Variants in MACF1 observed in about 807,000 individuals in gnomAD.
MACF1 encodes microtubule actin crosslinking factor 1.
MACF1 carries 193 observed loss-of-function variants against 854.8 expected under a neutral mutation model. The ratio of observed to expected loss-of-function variants is 0.23; its 90% CI spans 0.20 to 0.25. MACF1 has a LOEUF of 0.25. Ranked by LOEUF, MACF1 falls within the 10% of genes least tolerant of loss-of-function variation. The probability of loss-of-function intolerance (pLI) is 1.00; values close to 1 mark genes in which losing one functional copy is unlikely to be tolerated. For synonymous variants in MACF1, 3,185 were observed against 3,226.7 expected, an observed-to-expected ratio of 0.99 and a Z score of 0.44; for missense variants, 7,722 against 8,929.1, an observed-to-expected ratio of 0.86 and a Z score of 5.45.
intron 30 of MACF1, among the ~76,000 whole-genome samples, chr1:39,319,168 CAT>C (rs1468229765): frequency 6.6e-6 from 1 of 152,070 alleles, no homozygotes; most frequent in African/African-American, 2.4e-5. Flanking sequence ...GTAAAATGGA[CAT>C]AGTTTGTTAT....
At chr1:39,213,475 G>T (rs915389502) in intron 1 of MACF1, among the ~76,000 whole-genome samples, 3 of 152,194 alleles carry the variant, frequency 2.0e-5, no homozygotes, top group Non-Finnish European at 2.9e-5. Flanking sequence ...GGGATTACAG[G>T]CATGTGCCAC....
Position 39,459,943 on chromosome 1 carries a change from C to G in MACF1, c.21361-689C>G, listed in dbSNP as rs945325017. 1.2e-5 allele frequency: 9 copies of G among 776,056 alleles called. No homozygotes were observed. The Admixed American group carries it at 2.5e-4, about 22-fold the overall frequency. 48.1% of individuals were successfully genotyped at this position (776,056 alleles called of 1,614,324 possible). A position where few individuals can be genotyped will look rare whatever the true frequency, so the allele number is the denominator to read the frequency against. ...CCTTCTAACTTTGGAGTTTGAAAGACCAAGGGGAAACTGCTGCACTCTTTA... is the reference window on the plus strand; with the variant it reads ...CCTTCTAACTTTGGAGTTTGAAAGAGCAAGGGGAAACTGCTGCACTCTTTA... On this transcript the variant is annotated intron_variant, in intron 91 of 100. Coordinates refer to ENST00000564288, the MANE Select transcript of MACF1 (RefSeq NM_001394062.1).
intron 31 of MACF1, among the ~76,000 whole-genome samples, chr1:39,320,152 C>T (rs1324461415): frequency 3.3e-5 from 5 of 152,144 alleles, no homozygotes; most frequent in East Asian, 1.9e-4. Flanking sequence ...TTATATTCTC[C>T]GTTGGCTCTT....
chr1:39,085,999 G>A (rs970209972), intron 2 of MACF1, among the ~76,000 whole-genome samples: 22 of 152,032 alleles, frequency 1.4e-4, no homozygotes, highest in South Asian at 2.1e-4. Flanking sequence ...TTCCTCCTCC[G>A]CTCTCACAGT....
At chr1:39,169,764 T>TCTTC (rs1643921462) in intron 2 of MACF1, among the ~76,000 whole-genome samples, 4 of 134,102 alleles carry the variant, frequency 3.0e-5, no homozygotes, top group African/African-American at 1.1e-4. Context: ...GCCCTTTCTT[T>TCTTC]CTTTCTTTCT....
At chr1:39,468,761 G>C (rs1453448015) in intron 96 of MACF1, 29 bp downstream of exon 96, 15 of 1,570,390 alleles carry the variant, frequency 9.6e-6, no homozygotes, top group African/African-American at 1.3e-5. Flanking sequence ...CATGAATTAC[G>C]TGTTAGGTAT....
chr1:39,336,288 C>A lies in MACF1; in HGVS notation c.9700C>A (p.Leu3234Ile). 2 of 1,614,120 alleles carry A rather than the reference C, an allele frequency of 1.2e-6. No homozygotes were observed. The highest frequency in any genetic ancestry group is 1.7e-6 in the Non-Finnish European group (2 of 1,180,016). ...TLKSEIATQE[L>I]TGEKFLEMAN... The stretch of plus-strand genomic sequence containing the variant: ...CAAATCTGAAATAGCAACACAGGAA[C>A]TAACTGGAGAGAAATTTCTAGAAAT... The change falls in exon 37 of 101, where the codon CTA (leucine) becomes ATA (isoleucine). Residue 3234 changes from leucine (L) to isoleucine (I), a missense_variant. Leu to Ile is a conservative substitution (Grantham distance 5). Around this residue, in one of 15 missense-constraint regions of MACF1, gnomAD observed 854 missense variants for 852.6 expected, o/e 1.00. Coordinates refer to ENST00000564288, the MANE Select transcript of MACF1 (RefSeq NM_001394062.1).
At chr1:39,321,912 G>A (rs186629215) in intron 31 of MACF1, among the ~76,000 whole-genome samples, 2 of 152,280 alleles carry the variant, frequency 1.3e-5, no homozygotes, top group Non-Finnish European at 2.9e-5. Flanking sequence ...TATTCTGGTG[G>A]AACAATAGAG....
chr1:39,094,688 A>G (rs1459502843), intron 2 of MACF1, among the ~76,000 whole-genome samples: 1 of 151,828 alleles, frequency 6.6e-6, no homozygotes, highest in Non-Finnish European at 1.5e-5. Flanking sequence ...ATTGCACTCC[A>G]GTCTGGGCAA....
Position 39,322,959 on chromosome 1 carries a change from A to T in MACF1, c.4187A>T (p.Gln1396Leu). The T allele has an allele frequency of 6.2e-7, 1 of 1,614,162 alleles. No homozygotes were observed. The highest frequency in any genetic ancestry group is 8.5e-7 in the Non-Finnish European group (1 of 1,179,988). ...RYTALVTLTT[Q>L]HVKYISDALR... Reference sequence around the variant, plus strand: ...ACGGCATTGGTGACTTTAACAACTCAGCACGTGAAATACATCAGTGATGCA... The same window carrying T: ...ACGGCATTGGTGACTTTAACAACTCTGCACGTGAAATACATCAGTGATGCA... Residue 1396 changes from glutamine to leucine, a missense_variant, in exon 33 of 101, where the codon CAG becomes CTG. By Grantham distance (113) the Gln-to-Leu change is moderately radical (BLOSUM62 -2). Transcript: ENST00000564288.
At chr1:39,217,924 C>CAG (rs1644597460) in intron 1 of MACF1, among the ~76,000 whole-genome samples, 3 of 151,512 alleles carry the variant, frequency 2.0e-5, no homozygotes, top group South Asian at 4.2e-4. Flanking sequence ...TGGCTCATGC[C>CAG]TGTAATCCCA....
rs1644741188 is a variant in MACF1 at position 39,469,735 on chromosome 1, GGCCAAACCATA to G, written c.21958+123_21958+133del. ...TGCTGCATTCATGAATGCTTGAAAT[GGCCAAACCATA>G]GCTTTTCTAACTACTCAAGTTGATG... On this transcript the variant is annotated intron_variant, in intron 97 of 100. Transcript: ENST00000564288. The G allele has an allele frequency of 1.3e-5, 10 of 768,252 alleles. No homozygotes were observed. In the South Asian group the frequency reaches 1.4e-4, roughly 11 times the overall value. 47.6% of individuals were successfully genotyped at this position (768,252 alleles called of 1,614,324 possible).
At position 39,347,127 on chromosome 1, in the gene MACF1, C is replaced by T. The variant is rs775339400; in HGVS notation, c.10732C>T (p.Gln3578Ter). The change falls in exon 41 of 101, where the codon CAG becomes TAG. Residue 3578 changes from glutamine (Q) to a stop codon, truncating the protein, a stop_gained. Transcript: ENST00000564288. LOFTEE classifies it high-confidence loss of function. ...RLLNELQRSFQDILEQTAAQV... is the reference protein window; with the variant it reads ...RLLNELQRSF The stretch of plus-strand genomic sequence containing the variant: ...TCTGAATGAACTGCAGAGGTCCTTC[C>T]AGGACATTTTGGAACAGACTGCCGC... 1.9e-6 allele frequency: 3 copies of T among 1,613,972 alleles called. No homozygotes were observed. Among genetic ancestry groups the T allele is most frequent in the Non-Finnish European group, 2.5e-6 (3 of 1,179,978 alleles).
intron 58 of MACF1, chr1:39,413,933 C>T: frequency 6.2e-7 from 1 of 1,605,382 alleles, no homozygotes; most frequent in Non-Finnish European, 8.5e-7. Flanking sequence ...GCTTCAGTGC[C>T]CACCTCTGAG....
chr1:39,422,809 G>A lies in MACF1; in HGVS notation c.16058G>A (p.Ser5353Asn). Residue 5353 changes from serine (S) to asparagine (N), a missense_variant, in exon 60 of 101, where the codon AGC becomes AAC. This residue lies in a region of MACF1 where 2,807 missense variants were observed against 3,235.8 expected (regional missense o/e 0.87). Transcript: ENST00000564288. The part of the protein sequence containing the change: ...KFQDALEPLL[S>N]WLADTEELIA... ...CAAGATGCCTTGGAGCCATTGCTCA[G>A]CTGGTTGGCAGATACCGAGGAGCTC... is the stretch of plus-strand genomic sequence containing the variant. 6.2e-7 allele frequency: 1 copy of A among 1,614,202 alleles called. No homozygotes were observed. The highest frequency in any genetic ancestry group is 2.2e-5 in the East Asian group (1 of 44,880).
intron 80 of MACF1, among the ~76,000 whole-genome samples, chr1:39,447,126 A>G (rs1019597318): frequency 6.6e-5 from 10 of 152,226 alleles, no homozygotes; most frequent in Non-Finnish European, 1.2e-4. Context: ...GGGTCTGTTC[A>G]CTTACAGTTA....
intron 2 of MACF1, among the ~76,000 whole-genome samples, chr1:39,117,508 G>A (rs1642576718): frequency 6.7e-6 from 1 of 150,302 alleles, no homozygotes; most frequent in African/African-American, 2.5e-5. Context: ...CTTGTCCAGT[G>A]CAATTTGTCT....
chr1:39,441,517 C>T (rs1377182326), intron 74 of MACF1, among the ~76,000 whole-genome samples, 192 bp downstream of exon 74: 4 of 152,202 alleles, frequency 2.6e-5, no homozygotes, highest in African/African-American at 9.6e-5. Context: ...TGAATTCTTA[C>T]TCTTCCTGCC....
intron 94 of MACF1, 65 bp from the exon 95 acceptor site, chr1:39,465,030 T>C (rs184006827): frequency 1.2e-5 from 17 of 1,425,692 alleles, no homozygotes; most frequent in African/African-American, 1.1e-4. Flanking sequence ...TAGTGTTAAT[T>C]TGACAAAATG....
Sources: gnomAD v4.1 joint callset for allele counts (sites outside exome capture counted in the v4.1 genomes callset) on GRCh38, gnomAD v4.1.1 for gene constraint, gnomAD v4.1.1 regional missense constraint, MANE v1.5 for transcripts, NCBI Gene and HGNC (gene_info 2026-07-23, HGNC 2026-07-21) for gene names.